The following NLRP1 variants were observed in gnomAD, a reference collection of about 807,000 sequenced individuals.
The protein encoded by NLRP1 is NLR family pyrin domain containing 1.
Under a neutral mutation model 136.7 loss-of-function variants are expected in NLRP1, and 94 were observed. The ratio of observed to expected loss-of-function variants is 0.69; its 90% confidence interval spans 0.58 to 0.82. The LOEUF (loss-of-function observed/expected upper bound fraction) is 0.82. Among genes scored for constraint, NLRP1 ranks in the 40% least tolerant of loss-of-function variants. The pLI is 0.00. For synonymous variants in NLRP1, 690 were observed against 725.1 expected (o/e 0.95, Z 0.78); for missense variants, 1,575 against 1,802.7 (o/e 0.87, Z 2.29).
chr17:5,573,683 G>A (rs1224741172), intron 3 of NLRP1, among the ~76,000 whole-genome samples: 2 of 152,240 alleles, frequency 1.3e-5, no homozygotes, highest in African/African-American at 4.8e-5. Context: ...TTCAGCCTCT[G>A]CTGCTGATAC....
At chr17:5,542,896 C>G (rs1912057702) in intron 5 of NLRP1, among the ~76,000 whole-genome samples, 1 of 151,718 alleles carries the variant, frequency 6.6e-6, no homozygotes, top group Non-Finnish European at 1.5e-5. Flanking sequence ...GTGGCGTGAT[C>G]TCGGCTCACT....
intron 12 of NLRP1, among the ~76,000 whole-genome samples, chr17:5,525,228 G>A (rs1176406906): frequency 2.0e-5 from 3 of 152,206 alleles, no homozygotes; most frequent in South Asian, 2.1e-4. Flanking sequence ...TACTGAGTAC[G>A]GACAATGTGC....
At chr17:5,535,938 G>A (rs1039942410) in intron 8 of NLRP1, among the ~76,000 whole-genome samples, 2 of 152,194 alleles carry the variant, frequency 1.3e-5, no homozygotes, top group African/African-American at 4.8e-5. Context: ...GGTGAGGGTG[G>A]TGGGTGACGG....
Position 5,553,549 on chromosome 17 carries a change from A to G in NLRP1, c.2365T>C (p.Trp789Arg), listed in dbSNP as rs1913643307. 6.2e-7 allele frequency: 1 copy of G among 1,613,566 alleles called. No individual in the cohort carries two copies. The highest frequency in any genetic ancestry group is 8.5e-7 in the Non-Finnish European group (1 of 1,179,720). Residue 789 changes from tryptophan (W) to arginine (R), a missense_variant, in exon 5 of 17, where the codon TGG (tryptophan) becomes CGG (arginine). Physicochemically the swap from Trp to Arg is moderately radical, Grantham distance 101. Transcript: ENST00000572272. ...CAATAGGCATCTGTGACTGGGACCC[A>G]CCTGAACCTGAGGGGGAGAGAGAAG... Reference protein sequence around the residue: ...WSPTMVVLFRWVPVTDAYWQI... With the variant: ...WSPTMVVLFRRVPVTDAYWQI...
At chr17:5,528,544 G>A (rs1909843097) in intron 12 of NLRP1, among the ~76,000 whole-genome samples, 1 of 152,160 alleles carries the variant, frequency 6.6e-6, no homozygotes, top group African/African-American at 2.4e-5. Flanking sequence ...AGCTTGAATT[G>A]TTTACTGAAC....
chr17:5,519,632 G>C (rs1437232759), intron 14 of NLRP1, among the ~76,000 whole-genome samples: 2 of 151,286 alleles, frequency 1.3e-5, no homozygotes, highest in African/African-American at 4.9e-5. Context: ...ATTTTTAGTA[G>C]AGACAGGTTT....
At chr17:5,501,836 T>C (rs1231695716) in exon 16 of NLRP1, 3 of 1,613,844 alleles carry the variant, frequency 1.9e-6, no homozygotes, top group African/African-American at 2.7e-5. Context: ...GGCGTCTCTG[T>C]TGCACCTGAG....
chr17:5,583,669 G>A lies in NLRP1; in HGVS notation c.271+18C>T. ...CCAGGGGATGTCCCGCGGGCAGTGG[G>A]GTCCTCTGTCCACTCACCTGCCCCT... On this transcript the variant is annotated intron_variant, in intron 1 of 16. Transcript: ENST00000572272. This position sits in a 1 kb window ranked among gnomAD's most constrained non-coding sequence, Gnocchi z 4.5. The A allele has an allele frequency of 6.5e-7, 1 of 1,548,288 alleles. No homozygotes were observed. The highest frequency in any genetic ancestry group is 8.7e-7 in the Non-Finnish European group (1 of 1,145,638).
intron 12 of NLRP1, among the ~76,000 whole-genome samples, chr17:5,524,619 T>C (rs1909305459): frequency 6.6e-6 from 1 of 152,212 alleles, no homozygotes; most frequent in South Asian, 2.1e-4. Flanking sequence ...AAATGGATGG[T>C]CTCATCCTGA....
chr17:5,545,364 CCACACAGACACAGACACCCA>C (rs1912466421), intron 5 of NLRP1, among the ~76,000 whole-genome samples: 1 of 139,174 alleles, frequency 7.2e-6, no homozygotes, highest in African/African-American at 2.7e-5. Context: ...ACACAGACAC[CCACACAGACACAGACACCCA>C]CACACAGACA....
intron 3 of NLRP1, among the ~76,000 whole-genome samples, chr17:5,566,979 G>C (rs1915408152): frequency 6.6e-6 from 1 of 151,990 alleles, no homozygotes; most frequent in Non-Finnish European, 1.5e-5. Context: ...TACAAGTATA[G>C]TGACTTCTGC....
intron 11 of NLRP1, among the ~76,000 whole-genome samples, chr17:5,531,126 A>G (rs1446210554): frequency 6.6e-6 from 1 of 150,888 alleles, no homozygotes; most frequent in East Asian, 2.0e-4. Flanking sequence ...TGCTAAGATT[A>G]TCTGTCTTGT....
chr17:5,566,441 T>C (rs1292243707), intron 3 of NLRP1, among the ~76,000 whole-genome samples: 1 of 152,154 alleles, frequency 6.6e-6, no homozygotes, highest in Non-Finnish European at 1.5e-5. Context: ...CAGGAGCATA[T>C]TGTTTAATTT....
chr17:5,574,097 T>A (rs996233193), intron 3 of NLRP1, among the ~76,000 whole-genome samples: 1 of 152,076 alleles, frequency 6.6e-6, no homozygotes, highest in Admixed American at 6.5e-5. Flanking sequence ...ATAACCAGTG[T>A]AGAGAAGTCC....
intron 15 of NLRP1, among the ~76,000 whole-genome samples, chr17:5,506,275 A>G (rs1296760198): frequency 7.3e-6 from 1 of 137,506 alleles, no homozygotes; most frequent in African/African-American, 3.1e-5. Flanking sequence ...CAAGAACAAA[A>G]GTCTGTCTCA....
rs1904768158 is a variant in NLRP1 at position 5,574,264 on chromosome 17, GT to G, written c.652+7594del. Among the ~76,000 whole-genome samples, 3 of 152,250 alleles carry G rather than the reference GT, an allele frequency of 2.0e-5. No individual in the cohort carries two copies. The South Asian group carries it at 6.2e-4, about 32-fold the overall frequency. ...AGAAGAGAAGTTTAGAGAAAAAAGAGTAAAAAGAAACGAACAAAGCCTCCAA... is the reference window on the plus strand; with the variant it reads ...AGAAGAGAAGTTTAGAGAAAAAAGAGAAAAAGAAACGAACAAAGCCTCCAA... On this transcript the variant is annotated intron_variant, in intron 3 of 16. Transcript: ENST00000572272.
At chr17:5,542,563 T>C (rs1440574401) in intron 5 of NLRP1, among the ~76,000 whole-genome samples, 2 of 152,142 alleles carry the variant, frequency 1.3e-5, no homozygotes, top group African/African-American at 4.8e-5. Context: ...CACTTAAAAT[T>C]GCACACCCAT....
chr17:5,573,602 C>A (rs1469874839), intron 3 of NLRP1, among the ~76,000 whole-genome samples: 2 of 152,182 alleles, frequency 1.3e-5, no homozygotes, highest in African/African-American at 4.8e-5. Context: ...CAGCCGTCTA[C>A]CTCTCTGAGA....
intron 12 of NLRP1, among the ~76,000 whole-genome samples, chr17:5,527,398 T>A (rs1909694758): frequency 2.6e-5 from 4 of 151,968 alleles, no homozygotes; most frequent in Non-Finnish European, 5.9e-5. Flanking sequence ...AGGGAGTAAA[T>A]CCTATCTGGC....
Sources: allele counts gnomAD v4.1 joint callset (sites outside exome capture counted in the v4.1 genomes callset), GRCh38; gene constraint gnomAD v4.1.1; non-coding constraint Gnocchi (gnomAD v3.1); transcripts MANE v1.5; gene names NCBI Gene and HGNC (gene_info 2026-07-23, HGNC 2026-07-21).